Variants in COL23A1 observed in about 807,000 individuals in gnomAD.
COL23A1 encodes the protein collagen alpha-1(XXIII) chain.
A neutral mutation model predicts 99.3 loss-of-function variants in COL23A1; 97 were observed. That is an observed-to-expected ratio of 0.98 (90% CI 0.83 to 1.16). The LOEUF is 1.16. Among genes scored for constraint, COL23A1 ranks in the 50% most tolerant of loss-of-function variants. The pLI, the probability that COL23A1 is intolerant of heterozygous loss-of-function variation, is 0.00. For synonymous variants in COL23A1, 320 were observed against 308.2 expected (o/e 1.04, Z -0.40); for missense variants, 762 against 757.4 (o/e 1.01, Z -0.07).
intron 2 of COL23A1, among the ~76,000 whole-genome samples, chr5:178,419,012 A>G (rs1765457946): frequency 6.6e-6 from 1 of 152,196 alleles, no homozygotes; most frequent in South Asian, 2.1e-4. Flanking sequence ...AGTCTGACCT[A>G]TGGCAGATGC....
rs1269517704 is a variant in COL23A1, at chr5:178,251,893, T to C, written c.1014+651A>G. ...TTCTTTTCTTTTCTTTCTTTCTCTC[T>C]CTTTCATTTTCTTTTCTTTTTTTTT... On this transcript the variant is annotated intron_variant, in intron 17 of 28. Transcript: ENST00000390654. Among the ~76,000 whole-genome samples the C allele has an allele frequency of 3.4e-5, 5 of 148,606 alleles. No individual in the cohort carries two copies. The East Asian group carries it at 1.0e-3, about 30-fold the overall frequency.
chr5:178,410,042 A>G (rs1169856706), intron 2 of COL23A1, among the ~76,000 whole-genome samples: 1 of 152,226 alleles, frequency 6.6e-6, no homozygotes, highest in Non-Finnish European at 1.5e-5. Context: ...AACAAAAACC[A>G]TCATAAACAG....
chr5:178,388,823 G>A (rs1299783282), intron 2 of COL23A1, among the ~76,000 whole-genome samples: 1 of 152,224 alleles, frequency 6.6e-6, no homozygotes, highest in Non-Finnish European at 1.5e-5. Flanking sequence ...ACAAAGCCCT[G>A]AGTAACCAGT....
intron 2 of COL23A1, among the ~76,000 whole-genome samples, chr5:178,382,072 C>T (rs116366947): frequency 0.013 from 1,864 of 148,876 alleles, 38 homozygotes; most frequent in African/African-American, 0.044. Context: ...TTCTGGGTTT[C>T]GGTTCTCAGT....
intron 2 of COL23A1, among the ~76,000 whole-genome samples, chr5:178,460,379 C>T (rs955603525): frequency 6.7e-6 from 1 of 149,486 alleles, no homozygotes; most frequent in African/African-American, 2.5e-5. Flanking sequence ...ATGGACCAGC[C>T]GTCTAGCCAC....
chr5:178,399,894 C>T (rs943657119), intron 2 of COL23A1, among the ~76,000 whole-genome samples: 3 of 152,160 alleles, frequency 2.0e-5, no homozygotes, highest in Non-Finnish European at 4.4e-5. Flanking sequence ...TCATTCCCTT[C>T]GGCTCATCTG....
chr5:178,364,449 C>T (rs994200387), intron 2 of COL23A1, among the ~76,000 whole-genome samples: 2 of 152,062 alleles, frequency 1.3e-5, no homozygotes, highest in African/African-American at 4.8e-5. Context: ...AGCAGGCCCA[C>T]AGGTGGGGCC....
intron 2 of COL23A1, among the ~76,000 whole-genome samples, chr5:178,423,675 C>T (rs1373284618): frequency 6.6e-6 from 1 of 152,174 alleles, no homozygotes; most frequent in Non-Finnish European, 1.5e-5. Context: ...GTCCCCTCTC[C>T]TTGTTTGATC....
At chr5:178,420,435 G>T (rs56236185) in intron 2 of COL23A1, among the ~76,000 whole-genome samples, 39,043 of 66,634 alleles carry the variant, frequency 0.59, 12,245 homozygotes, top group African/African-American at 0.87. Context: ...CCCCTCCCCC[G>T]CTCTTTCCTC....
intron 2 of COL23A1, among the ~76,000 whole-genome samples, chr5:178,501,681 C>T (rs1446644006): frequency 6.6e-6 from 1 of 152,216 alleles, no homozygotes; most frequent in Non-Finnish European, 1.5e-5. Flanking sequence ...CACTCTAGTC[C>T]CTCAAGAGGC....
chr5:178,387,351 G>T lies in COL23A1; in HGVS notation c.362-80432C>A, dbSNP rs1258864272. 1.3e-5 allele frequency among the ~76,000 whole-genome samples: 2 copies of T among 152,068 alleles called. No homozygotes were observed. The highest frequency in any genetic ancestry group is 2.9e-5 in the Non-Finnish European group (2 of 68,022). The stretch of plus-strand genomic sequence containing the variant: ...TGTCCAGCCCTGGTCAAACTGACCC[G>T]CTCACAAGTCTCTAAGACACTGCTG... On this transcript the variant is annotated intron_variant, in intron 2 of 28. Coordinates refer to ENST00000390654, the MANE Select transcript of COL23A1 (RefSeq NM_173465.4). The surrounding 1 kb of genome is among the most constrained non-coding windows in gnomAD (Gnocchi z 4.7).
chr5:178,517,560 TTTTTTTTG>T (rs372539584), intron 2 of COL23A1, among the ~76,000 whole-genome samples: 8,138 of 124,662 alleles, frequency 0.065, 601 homozygotes, highest in Middle Eastern at 0.11. Flanking sequence ...GACAGCAGTT[TTTTTTTTG>T]TTTTTTTTTT....
At chr5:178,284,464 G>A (rs776141380) in intron 5 of COL23A1, among the ~76,000 whole-genome samples, 20 of 152,134 alleles carry the variant, frequency 1.3e-4, no homozygotes, top group Non-Finnish European at 2.2e-4. Context: ...CATTGTTGGT[G>A]GGAATGTAAA....
At chr5:178,273,388 G>A (rs1230466646) in intron 5 of COL23A1, among the ~76,000 whole-genome samples, 1 of 152,232 alleles carries the variant, frequency 6.6e-6, no homozygotes, top group African/African-American at 2.4e-5. Context: ...TTTGGTCCCC[G>A]AGGCTTCTTT....
At chr5:178,545,662 T>C (rs1201257404) in intron 2 of COL23A1, among the ~76,000 whole-genome samples, 4 of 152,054 alleles carry the variant, frequency 2.6e-5, no homozygotes, top group Non-Finnish European at 5.9e-5. Flanking sequence ...TGCTGAGGGA[T>C]TCTGGCCCCA....
intron 12 of COL23A1, among the ~76,000 whole-genome samples, chr5:178,258,067 C>T (rs1765404928): frequency 6.6e-6 from 1 of 151,900 alleles, no homozygotes; most frequent in African/African-American, 2.4e-5. Flanking sequence ...CAGGGCAAGA[C>T]TCCATCTCTA....
At chr5:178,346,225 A>T (rs1581192378) in intron 2 of COL23A1, among the ~76,000 whole-genome samples, 1 of 151,852 alleles carries the variant, frequency 6.6e-6, no homozygotes, top group East Asian at 1.9e-4. Flanking sequence ...TTATTTATTT[A>T]TTTTTGTTGT....
At chr5:178,383,462 C>A (rs1470199491) in intron 2 of COL23A1, among the ~76,000 whole-genome samples, 2 of 152,242 alleles carry the variant, frequency 1.3e-5, no homozygotes, top group African/African-American at 2.4e-5. Flanking sequence ...CGGCCCCTTC[C>A]CGGCTCCCAG....
intron 2 of COL23A1, among the ~76,000 whole-genome samples, chr5:178,447,437 A>C (rs1406865873): frequency 1.1e-4 from 17 of 152,202 alleles, no homozygotes; most frequent in Admixed American, 1.1e-3. Context: ...CATATACGGC[A>C]GTGGTCCCTT....
Sources: gnomAD v4.1 joint callset for allele counts (sites outside exome capture counted in the v4.1 genomes callset) on GRCh38, gnomAD v4.1.1 for gene constraint, Gnocchi (gnomAD v3.1) non-coding constraint, MANE v1.5 for transcripts, NCBI Gene and HGNC (gene_info 2026-07-23, HGNC 2026-07-21) for gene names.